The following ADAM23 variants were observed in gnomAD, a reference collection of about 807,000 sequenced individuals.
ADAM23 encodes ADAM metallopeptidase domain 23.
Under a neutral mutation model 120.1 loss-of-function variants are expected in ADAM23, and 33 were observed. The ratio of observed to expected loss-of-function variants is 0.27; its 90% CI spans 0.21 to 0.37. The LOEUF (loss-of-function observed/expected upper bound fraction) is 0.37, where lower values mean the gene tolerates loss of function less well. ADAM23 is among the 10% of genes least tolerant of loss of function. The pLI is 1.00. For missense variants in ADAM23, 862 were observed against 1,058.2 expected, an observed-to-expected ratio of 0.81 and a Z score of 2.57; for synonymous variants, 367 against 375.2, an observed-to-expected ratio of 0.98 and a Z score of 0.25.
intron 14 of ADAM23, among the ~76,000 whole-genome samples, chr2:206,566,751 G>C (rs17278348): frequency 0.055 from 8,419 of 151,818 alleles, 372 homozygotes; most frequent in Admixed American, 0.14. Flanking sequence ...ATGCATTGTT[G>C]GCCTGCATGA....
In ADAM23 at chr2:206,550,025, A is replaced by G. The variant is rs190145861; in HGVS notation, c.868-70A>G. ...TCTGAAATTCAAAGTCTTATCTACAACTTAACAGTGAGCACTAGAGAGATT... is the reference window on the plus strand; with the variant it reads ...TCTGAAATTCAAAGTCTTATCTACAGCTTAACAGTGAGCACTAGAGAGATT... On this transcript the variant is annotated intron_variant, in intron 8 of 25. Transcript: ENST00000264377. 115 of 948,140 alleles carry G rather than the reference A, an allele frequency of 1.2e-4. 1 individual carries two copies. In the African/African-American group the frequency reaches 1.8e-3, roughly 15 times the overall value. 58.7% of individuals were successfully genotyped at this position (948,140 alleles called of 1,614,324 possible). A position where few individuals can be genotyped will look rare whatever the true frequency, so the allele number is the denominator to read the frequency against.
rs74412636 is a variant in ADAM23, at chr2:206,530,465, G to C, written c.510-420G>C. On this transcript the variant is annotated intron_variant, in intron 3 of 25. Coordinates refer to ENST00000264377, the MANE Select transcript of ADAM23 (RefSeq NM_003812.4). ...TAGGATCTGTCTCCTCAAGTTACTTGCCTTTTGGTTTGTTCTGTATTAATT... is the reference window on the plus strand; with the variant it reads ...TAGGATCTGTCTCCTCAAGTTACTTCCCTTTTGGTTTGTTCTGTATTAATT... 2.2e-3 allele frequency among the ~76,000 whole-genome samples: 332 copies of C among 152,116 alleles called. 1 individual carries two copies. Among genetic ancestry groups the C allele is most frequent in the Non-Finnish European group, 4.0e-3 (269 of 68,000 alleles).
At chr2:206,604,292 TATAAA>T (rs1426882998) in intron 24 of ADAM23, among the ~76,000 whole-genome samples, 1 of 152,058 alleles carries the variant, frequency 6.6e-6, no homozygotes, top group Non-Finnish European at 1.5e-5. Context: ...AAAAAAAAGT[TATAAA>T]ATAATGTATA....
chr2:206,480,296 A>G (rs1051266806), intron 2 of ADAM23, among the ~76,000 whole-genome samples: 14 of 152,060 alleles, frequency 9.2e-5, no homozygotes, highest in Non-Finnish European at 1.5e-4. Context: ...AATAGAAAGT[A>G]CTGGGAGGGA....
chr2:206,496,922 G>T (rs550704327), intron 3 of ADAM23, among the ~76,000 whole-genome samples: 1 of 151,066 alleles, frequency 6.6e-6, no homozygotes, highest in Non-Finnish European at 1.5e-5. Flanking sequence ...TAAATTCCTC[G>T]ACACATACAC....
At chr2:206,477,553 G>A (rs1695798583) in intron 2 of ADAM23, among the ~76,000 whole-genome samples, 1 of 152,054 alleles carries the variant, frequency 6.6e-6, no homozygotes, top group African/African-American at 2.4e-5. Flanking sequence ...AAGCAAGGCT[G>A]TTTAACAGAT....
At chr2:206,595,310 G>A (rs1043568405) in intron 23 of ADAM23, among the ~76,000 whole-genome samples, 1 of 152,176 alleles carries the variant, frequency 6.6e-6, no homozygotes, top group Non-Finnish European at 1.5e-5. Flanking sequence ...GGAGATAAGG[G>A]TTTAAACACT....
intron 9 of ADAM23, among the ~76,000 whole-genome samples, chr2:206,553,980 G>A (rs201346989): frequency 6.6e-6 from 1 of 151,946 alleles, no homozygotes; most frequent in East Asian, 1.9e-4. Context: ...TGTTCAGGAA[G>A]GAAAAGCAAC....
At chr2:206,606,666 G>A (rs546546851) in intron 24 of ADAM23, 81 of 152,244 alleles carry the variant, frequency 5.3e-4, no homozygotes, top group African/African-American at 1.9e-3. Context: ...TTGATTTAGG[G>A]TGCTCTGTAC....
intron 14 of ADAM23, 52 bp downstream of exon 14, chr2:206,565,120 G>A (rs1473406720): frequency 6.4e-7 from 1 of 1,574,026 alleles, no homozygotes; most frequent in Admixed American, 1.7e-5. Flanking sequence ...TAAAATTGCT[G>A]TGTAGAGTTA....
chr2:206,601,878 C>T (rs1698646251), intron 24 of ADAM23, among the ~76,000 whole-genome samples: 1 of 151,638 alleles, frequency 6.6e-6, no homozygotes, highest in South Asian at 2.1e-4. Context: ...AGCTTATTAA[C>T]TGATCCATTA....
intron 2 of ADAM23, among the ~76,000 whole-genome samples, chr2:206,457,700 T>G (rs902202354): frequency 6.6e-6 from 1 of 152,238 alleles, no homozygotes; most frequent in African/African-American, 2.4e-5. Context: ...TAGCAGTTTT[T>G]CCTTCTTTCT....
chr2:206,478,755 A>G (rs73983036), intron 2 of ADAM23, among the ~76,000 whole-genome samples: 3,654 of 152,332 alleles, frequency 0.024, 69 homozygotes, highest in South Asian at 0.08. Flanking sequence ...TTTTTAAAAA[A>G]TTTAAAAAGC....
chr2:206,520,343 G>C (rs1197823577), intron 3 of ADAM23, among the ~76,000 whole-genome samples: 1 of 152,140 alleles, frequency 6.6e-6, no homozygotes, highest in Non-Finnish European at 1.5e-5. Flanking sequence ...AAAGACAATA[G>C]TAGTAGTTCT....
intron 2 of ADAM23, among the ~76,000 whole-genome samples, chr2:206,468,404 C>G (rs1033629384): frequency 2.6e-5 from 4 of 152,164 alleles, no homozygotes; most frequent in African/African-American, 9.7e-5. Flanking sequence ...TACTAGATAT[C>G]CTAAATCATC....
intron 3 of ADAM23, among the ~76,000 whole-genome samples, chr2:206,486,564 A>G (rs941134030): frequency 3.3e-5 from 5 of 152,064 alleles, no homozygotes; most frequent in Admixed American, 1.3e-4. Context: ...GTTTTCAGCA[A>G]ATGTTTACTG....
chr2:206,569,267 G>A (rs937693899), intron 15 of ADAM23, among the ~76,000 whole-genome samples: 4 of 151,986 alleles, frequency 2.6e-5, no homozygotes, highest in Non-Finnish European at 5.9e-5. Flanking sequence ...CTATGAGTTA[G>A]GAGAAAATTA....
intron 17 of ADAM23, among the ~76,000 whole-genome samples, chr2:206,572,073 C>A (rs111526838): frequency 2.0e-5 from 3 of 152,256 alleles, no homozygotes; most frequent in African/African-American, 7.2e-5. Flanking sequence ...AAAAGAGTTG[C>A]CCTACTAACA....
chr2:206,460,658 T>C (rs1352913427), intron 2 of ADAM23, among the ~76,000 whole-genome samples: 2 of 152,228 alleles, frequency 1.3e-5, no homozygotes, highest in Non-Finnish European at 2.9e-5. Context: ...AGATACATGA[T>C]TTACAAATAT....
Sources: allele counts gnomAD v4.1 joint callset (sites outside exome capture counted in the v4.1 genomes callset), GRCh38; gene constraint gnomAD v4.1.1; transcripts MANE v1.5; gene names NCBI Gene and HGNC (gene_info 2026-07-23, HGNC 2026-07-21).